The following CDH20 variants were observed in gnomAD, a reference collection of about 807,000 sequenced individuals.
CDH20 encodes cadherin 20.
In CDH20, 29 loss-of-function variants were observed where a neutral mutation model predicts 74.2. The observed-to-expected ratio is 0.39, with a 90% CI of 0.29 to 0.53. The LOEUF (loss-of-function observed/expected upper bound fraction) is 0.53, where lower values mean the gene tolerates loss of function less well. Ranked by LOEUF, CDH20 falls within the 20% of genes least tolerant of loss-of-function variation. The pLI, the probability that CDH20 is intolerant of heterozygous loss-of-function variation, is 0.69. For missense variants in CDH20, 988 were observed against 1,048.3 expected, an observed-to-expected ratio of 0.94 and a Z score of 0.79; for synonymous variants, 469 against 405.4, an observed-to-expected ratio of 1.16 and a Z score of -1.88.
At chr18:61,542,356 C>T (rs887777204) in intron 9 of CDH20, among the ~76,000 whole-genome samples, 7 of 152,166 alleles carry the variant, frequency 4.6e-5, no homozygotes, top group African/African-American at 1.7e-4. Flanking sequence ...GTTGGGGTCT[C>T]CAGGAGGCAT....
chr18:61,550,536 G>T (rs894732710), intron 11 of CDH20, among the ~76,000 whole-genome samples: 21 of 152,312 alleles, frequency 1.4e-4, no homozygotes, highest in African/African-American at 4.8e-4. Context: ...TCAGAACAAA[G>T]CAGGTTCATT....
intron 1 of CDH20, among the ~76,000 whole-genome samples, chr18:61,484,484 G>A (rs1197657159): frequency 6.6e-6 from 1 of 152,020 alleles, no homozygotes; most frequent in Non-Finnish European, 1.5e-5. Context: ...AGAAAGACAG[G>A]GCACCCTGGA....
Position 61,523,374 on chromosome 18 carries a change from T to G in CDH20, c.1018-4593T>G, listed in dbSNP as rs1599145056. The stretch of plus-strand genomic sequence containing the variant: ...ATCAGAACTATATTGAGATACCATC[T>G]TATGCCAGTTAGAATGGTGATCATT... On this transcript the variant is annotated intron_variant, in intron 6 of 11. Coordinates refer to ENST00000262717, the MANE Select transcript of CDH20 (RefSeq NM_031891.4). 2.6e-5 allele frequency among the ~76,000 whole-genome samples: 4 copies of G among 152,214 alleles called. No homozygotes were observed. The South Asian group carries it at 8.3e-4, about 32-fold the overall frequency.
chr18:61,425,486 T>A (rs537357925), intron 1 of CDH20, among the ~76,000 whole-genome samples: 5 of 152,254 alleles, frequency 3.3e-5, no homozygotes, highest in African/African-American at 1.2e-4. Flanking sequence ...AAGGTAACCA[T>A]AGCAAAGGCC....
At chr18:61,352,419 GATA>G (rs1910335029) in intron 1 of CDH20, among the ~76,000 whole-genome samples, 1 of 152,198 alleles carries the variant, frequency 6.6e-6, no homozygotes, top group Non-Finnish European at 1.5e-5. Context: ...TGTGATTTAT[GATA>G]ATAAAGAAAT....
rs199772820 is a variant in CDH20 at position 61,502,956 on chromosome 18, T to C, written c.665T>C (p.Val222Ala). Residue 222 changes from valine (V) to alanine (A), a missense_variant, in exon 5 of 12, where the codon GTA (valine) becomes GCA (alanine). Around this residue, in one of 2 missense-constraint regions of CDH20, gnomAD observed 613 missense variants for 755.2 expected, o/e 0.81. Transcript: ENST00000262717. ...PYFSVDSKTG[V>A]IRTALMNMDR... ...CAAAGTCATTTCTATCCTCCAGGTG[T>C]AATTAGGACAGCGCTCATGAACATG... 6.3e-7 allele frequency: 1 copy of C among 1,599,328 alleles called. No individual in the cohort carries two copies. Among genetic ancestry groups the C allele is most frequent in the Non-Finnish European group, 8.5e-7 (1 of 1,174,990 alleles).
intron 1 of CDH20, among the ~76,000 whole-genome samples, chr18:61,468,902 A>G (rs1910061867): frequency 6.6e-6 from 1 of 152,130 alleles, no homozygotes; most frequent in African/African-American, 2.4e-5. Flanking sequence ...TTGTTTCCCC[A>G]TTTCTTGATC....
At chr18:61,499,588 C>A in intron 3 of CDH20, 108 bp downstream of exon 3, 1 of 923,670 alleles carries the variant, frequency 1.1e-6, no homozygotes, top group Non-Finnish European at 1.6e-6. Context: ...ATATTCAGAA[C>A]AGGAGAGCAT....
intron 2 of CDH20, among the ~76,000 whole-genome samples, chr18:61,496,027 CCCA>C: frequency 3.1e-5 from 4 of 127,536 alleles, no homozygotes; most frequent in Admixed American, 7.5e-5. Flanking sequence ...CCCTTCCTCT[CCCA>C]CCTCTCTCCT....
rs1426928379 is a variant in CDH20 at position 61,538,632 on chromosome 18, T to G, written c.1409-392T>G. Among the ~76,000 whole-genome samples the G allele has an allele frequency of 1.9e-3, 232 of 122,120 alleles. 33 individuals carry two copies. Among genetic ancestry groups the G allele is most frequent in the South Asian group, 4.8e-3 (16 of 3,332 alleles). 80.1% of individuals were successfully genotyped at this position (122,120 alleles called of 152,430 possible). ...TGTTTTTGTTTTTGTTTTGTTTTTT[T>G]TTTTGAGACGGAGTCTTACTCTTTT... On this transcript the variant is annotated intron_variant, in intron 8 of 11. Transcript: ENST00000262717.
chr18:61,528,971 A>G (rs1599149277), intron 7 of CDH20, among the ~76,000 whole-genome samples: 1 of 152,350 alleles, frequency 6.6e-6, no homozygotes, highest in Non-Finnish European at 1.5e-5. Flanking sequence ...GGCAATACCA[A>G]GTATCTATCT....
At chr18:61,373,271 A>G (rs2144161498) in intron 1 of CDH20, among the ~76,000 whole-genome samples, 2 of 150,576 alleles carry the variant, frequency 1.3e-5, no homozygotes, top group South Asian at 4.2e-4. Flanking sequence ...TAACTTTTCT[A>G]CTTTGGGGTT....
chr18:61,490,837 T>C, intron 2 of CDH20, 38 bp downstream of exon 2: 1 of 1,602,514 alleles, frequency 6.2e-7, no homozygotes, highest in South Asian at 1.1e-5. Flanking sequence ...GGGTATTGGA[T>C]ATTGAAATTG....
At chr18:61,507,320 A>AT in intron 5 of CDH20, 53 bp from the exon 6 acceptor site, 2 of 1,547,856 alleles carry the variant, frequency 1.3e-6, no homozygotes, top group Non-Finnish European at 8.8e-7. Flanking sequence ...ATGATGAGGC[A>AT]TTTTTTATAG....
At chr18:61,468,742 G>C (rs964491162) in intron 1 of CDH20, among the ~76,000 whole-genome samples, 6 of 152,208 alleles carry the variant, frequency 3.9e-5, no homozygotes, top group African/African-American at 1.4e-4. Context: ...TGACCTGTGG[G>C]GGCCCCAGTG....
intron 8 of CDH20, among the ~76,000 whole-genome samples, chr18:61,538,602 G>T (rs7238657): frequency 0.78 from 38,560 of 49,438 alleles, 15,274 homozygotes; most frequent in Middle Eastern, 0.9. Flanking sequence ...GTTTGTTTTT[G>T]TTTTTGTTTT....
intron 1 of CDH20, among the ~76,000 whole-genome samples, chr18:61,425,713 G>C (rs1913047536): frequency 6.6e-6 from 1 of 152,112 alleles, no homozygotes; most frequent in Non-Finnish European, 1.5e-5. Flanking sequence ...AAAGGAGAAG[G>C]GGGTGAGTGA....
chr18:61,388,969 T>C (rs1260072487), intron 1 of CDH20, among the ~76,000 whole-genome samples: 1 of 152,150 alleles, frequency 6.6e-6, no homozygotes, highest in East Asian at 1.9e-4. Flanking sequence ...GCACATGCCA[T>C]CGTTTATGCA....
At chr18:61,484,424 G>A (rs1382732229) in intron 1 of CDH20, among the ~76,000 whole-genome samples, 1 of 152,128 alleles carries the variant, frequency 6.6e-6, no homozygotes, top group African/African-American at 2.4e-5. Flanking sequence ...TACTAAGTAT[G>A]GGTGAAAGGA....
Sources: allele counts gnomAD v4.1 joint callset (sites outside exome capture counted in the v4.1 genomes callset), GRCh38; gene constraint gnomAD v4.1.1; regional missense constraint gnomAD v4.1.1; transcripts MANE v1.5; gene names NCBI Gene and HGNC (gene_info 2026-07-23, HGNC 2026-07-21).